Variants in BLTP3A observed in about 807,000 individuals in gnomAD.
BLTP3A encodes ICBP90 binding protein 1.
chr6:34,863,450 C>G, the BLTP3A span, among the ~76,000 whole-genome samples: 1 of 151,830 alleles, frequency 6.6e-6, no homozygotes, highest in Non-Finnish European at 1.5e-5. Flanking sequence ...TATAGAATAC[C>G]CTCTTCTCAC....
the BLTP3A span, among the ~76,000 whole-genome samples, chr6:34,852,320 A>C: frequency 2.0e-5 from 3 of 152,028 alleles, no homozygotes; most frequent in Non-Finnish European, 4.4e-5. Context: ...TCAAGGCCCA[A>C]GGGCCCTTTA....
chr6:34,855,620 T>C, the BLTP3A span: 5 of 1,613,516 alleles, frequency 3.1e-6, no homozygotes, highest in South Asian at 5.5e-5. Flanking sequence ...TTTATAGGTG[T>C]CTCTGCCAAC....
the BLTP3A span, among the ~76,000 whole-genome samples, chr6:34,812,026 TA>T: frequency 6.6e-6 from 1 of 151,478 alleles, no homozygotes; most frequent in African/African-American, 2.4e-5. Flanking sequence ...CTCTAGCTCT[TA>T]AAAAAAGAAA....
At chr6:34,809,143 A>C in the BLTP3A span, among the ~76,000 whole-genome samples, 1 of 152,204 alleles carries the variant, frequency 6.6e-6, no homozygotes, top group Non-Finnish European at 1.5e-5. Flanking sequence ...ATGTATTTCC[A>C]GCACTTTGGA....
the BLTP3A span, among the ~76,000 whole-genome samples, chr6:34,817,520 A>G: frequency 6.6e-6 from 1 of 152,162 alleles, no homozygotes. Context: ...ATCAGAGACA[A>G]AGGACTTTAT....
At chr6:34,864,611 C>G in the BLTP3A span, among the ~76,000 whole-genome samples, 1 of 148,688 alleles carries the variant, frequency 6.7e-6, no homozygotes, top group Non-Finnish European at 1.5e-5. Flanking sequence ...TAGGAATTAC[C>G]TCTGTAAGTT....
At chr6:34,842,089 A>G in the BLTP3A span, among the ~76,000 whole-genome samples, 8 of 152,146 alleles carry the variant, frequency 5.3e-5, no homozygotes, top group African/African-American at 1.9e-4. Flanking sequence ...TTTGATTCCA[A>G]TTCTACACCC....
the BLTP3A span, among the ~76,000 whole-genome samples, chr6:34,850,209 A>G: frequency 6.6e-6 from 1 of 151,912 alleles, no homozygotes; most frequent in Admixed American, 6.6e-5. Flanking sequence ...CTGCTAGCAG[A>G]CTGAGAAGTC....
At chr6:34,806,287 C>T in the BLTP3A span, among the ~76,000 whole-genome samples, 1 of 152,078 alleles carries the variant, frequency 6.6e-6, no homozygotes, top group Non-Finnish European at 1.5e-5. Flanking sequence ...GGTTAGAGAC[C>T]TTTGTTTTTA....
chr6:34,801,213 C>G, the BLTP3A span, among the ~76,000 whole-genome samples: 1 of 152,110 alleles, frequency 6.6e-6, no homozygotes, highest in South Asian at 2.1e-4. Flanking sequence ...GTATTTAAGT[C>G]AGACTTAATA....
chr6:34,832,677 C>G, the BLTP3A span, among the ~76,000 whole-genome samples: 410 of 151,992 alleles, frequency 2.7e-3, 5 homozygotes, highest in Middle Eastern at 0.017. Context: ...TCTCAAACTC[C>G]TGGGCTCAAA....
the BLTP3A span, chr6:34,867,468 C>T: frequency 6.2e-7 from 1 of 1,614,000 alleles, no homozygotes; most frequent in Non-Finnish European, 8.5e-7. Flanking sequence ...TTTGATAGGT[C>T]TCAGTTCTGG....
chr6:34,797,203 C>T, the BLTP3A span, among the ~76,000 whole-genome samples: 1 of 152,146 alleles, frequency 6.6e-6, no homozygotes, highest in Admixed American at 6.5e-5. Flanking sequence ...CCGGCTAGCT[C>T]TTTTAAAACC....
the BLTP3A span, among the ~76,000 whole-genome samples, chr6:34,818,160 A>G: frequency 1.3e-5 from 2 of 152,046 alleles, no homozygotes; most frequent in Non-Finnish European, 2.9e-5. Context: ...GCCCGGCCAG[A>G]TGTGTAGGAT....
the BLTP3A span, among the ~76,000 whole-genome samples, chr6:34,843,553 T>A: frequency 6.6e-6 from 1 of 152,190 alleles, no homozygotes; most frequent in Non-Finnish European, 1.5e-5. Context: ...TCAGGGTAAA[T>A]CGGTTATCTA....
the BLTP3A span, chr6:34,855,716 C>G: frequency 1.9e-6 from 3 of 1,613,004 alleles, no homozygotes; most frequent in African/African-American, 4.0e-5. Context: ...TAGGAAAACT[C>G]TGAATGGGGC....
the BLTP3A span, among the ~76,000 whole-genome samples, chr6:34,841,702 A>G: frequency 6.6e-6 from 1 of 152,194 alleles, no homozygotes; most frequent in Non-Finnish European, 1.5e-5. Context: ...CGGAAACTGG[A>G]TGGTTCATTG....
the BLTP3A span, among the ~76,000 whole-genome samples, chr6:34,845,791 G>T: frequency 6.6e-6 from 1 of 151,880 alleles, no homozygotes; most frequent in African/African-American, 2.4e-5. Flanking sequence ...TAGAGACGGG[G>T]TTTCAGCGTG....
chr6:34,872,677 C>A, the BLTP3A span: 1 of 387,624 alleles, frequency 2.6e-6, no homozygotes, highest in Non-Finnish European at 4.5e-6. Context: ...GTGGCACAAG[C>A]ATCATGTCTT....
Sources: allele counts gnomAD v4.1 joint callset (sites outside exome capture counted in the v4.1 genomes callset), GRCh38; gene constraint gnomAD v4.1.1; transcripts MANE v1.5; gene names NCBI Gene and HGNC (gene_info 2026-07-23, HGNC 2026-07-21).